The following ZCCHC14 variants were observed in gnomAD, a reference collection of about 807,000 sequenced individuals.
The protein encoded by ZCCHC14 is zinc finger CCHC-type containing 14.
A neutral mutation model predicts 85.0 loss-of-function variants in ZCCHC14; 16 were observed. The observed-to-expected ratio is 0.19, with a 90% confidence interval of 0.13 to 0.29. The LOEUF is 0.29. ZCCHC14 is among the 10% of genes least tolerant of loss of function. The pLI, the probability that ZCCHC14 is intolerant of heterozygous loss-of-function variation, is 1.00. For synonymous variants in ZCCHC14, 775 were observed against 630.7 expected (o/e 1.23, Z -3.43); for missense variants, 1,303 against 1,443.5 (o/e 0.90, Z 1.58).
At chr16:87,462,379 T>C (rs1597440340) in intron 1 of ZCCHC14, among the ~76,000 whole-genome samples, 1 of 152,168 alleles carries the variant, frequency 6.6e-6, no homozygotes, top group African/African-American at 2.4e-5. Context: ...ACAAGGAGAT[T>C]TTTAGTTCCA....
chr16:87,445,387 C>T (rs1160745767), intron 2 of ZCCHC14, among the ~76,000 whole-genome samples: 2 of 152,100 alleles, frequency 1.3e-5, no homozygotes, highest in East Asian at 1.9e-4. Flanking sequence ...TTTTTAAAGA[C>T]GCAGATCTAT....
chr16:87,472,134 AG>A (rs1180773427), intron 1 of ZCCHC14: 4 of 152,282 alleles, frequency 2.6e-5, no homozygotes, highest in Non-Finnish European at 2.9e-5. Flanking sequence ...CTGAAGTAGG[AG>A]GAGTAAACAT....
intron 2 of ZCCHC14, among the ~76,000 whole-genome samples, chr16:87,440,622 T>C (rs1910137053): frequency 6.6e-6 from 1 of 152,056 alleles, no homozygotes; most frequent in Non-Finnish European, 1.5e-5. Context: ...CTTCATTTTC[T>C]TTTTGACAGG....
At chr16:87,463,659 C>G (rs558391410) in intron 1 of ZCCHC14, among the ~76,000 whole-genome samples, 1 of 152,194 alleles carries the variant, frequency 6.6e-6, no homozygotes, top group South Asian at 2.1e-4. Flanking sequence ...CTCGTCTCTA[C>G]TAAAAATACA....
At chr16:87,471,500 C>G (rs937413309) in intron 1 of ZCCHC14, 3 of 152,270 alleles carry the variant, frequency 2.0e-5, no homozygotes, top group Non-Finnish European at 4.4e-5. Context: ...CTTAACTAGA[C>G]CAGCTCCCAG....
chr16:87,449,027 G>A (rs968504079), intron 2 of ZCCHC14, among the ~76,000 whole-genome samples: 11 of 152,130 alleles, frequency 7.2e-5, no homozygotes, highest in Admixed American at 2.0e-4. Context: ...TGTGCCCTTG[G>A]TCCCCAGTTC....
In ZCCHC14 at chr16:87,412,834, G is replaced by T. The variant is rs140130982; in HGVS notation, c.1887C>A (p.Pro629=). 8.7e-6 allele frequency: 14 copies of T among 1,610,052 alleles called. No individual in the cohort carries two copies. The African/African-American group carries it at 1.1e-4, about 12-fold the overall frequency. The change falls in exon 12 of 13, where the codon CCC becomes CCA. Residue 629 remains proline (P), a synonymous_variant. Coordinates refer to ENST00000671377, the MANE Select transcript of ZCCHC14 (RefSeq NM_015144.3). ...EASSNPSGHH[P]LPPQMLSAAS... is the part of the protein sequence containing the mutation. ...CTGCGCTCAGCATCTGCGGGGGCAGGGGGTGGTGGCCTGATGGATTGGAGC... is the reference window on the plus strand; with the variant it reads ...CTGCGCTCAGCATCTGCGGGGGCAGTGGGTGGTGGCCTGATGGATTGGAGC...
At chr16:87,416,581 C>T (rs992542106) in intron 8 of ZCCHC14, among the ~76,000 whole-genome samples, 9 of 151,828 alleles carry the variant, frequency 5.9e-5, no homozygotes, top group Admixed American at 1.3e-4. Context: ...ATAGGGAAAC[C>T]CTGATTCTAC....
At chr16:87,470,446 A>AG (rs11427516) in intron 1 of ZCCHC14, 51,077 of 151,986 alleles carry the variant, frequency 0.34, 12,522 homozygotes, top group African/African-American at 0.68. Context: ...ATAAAGCTGC[A>AG]GGGGGTGGCC....
intron 1 of ZCCHC14, among the ~76,000 whole-genome samples, chr16:87,479,098 C>T (rs1912151921): frequency 6.6e-6 from 1 of 152,024 alleles, no homozygotes. Context: ...CCTATATATA[C>T]ATGTTTTAAT....
chr16:87,470,482 G>A (rs1911728818), intron 1 of ZCCHC14: 1 of 152,068 alleles, frequency 6.6e-6, no homozygotes, highest in Non-Finnish European at 1.5e-5. Context: ...TGTAACCTGG[G>A]GCCACTGTCT....
In ZCCHC14 at chr16:87,462,547, T is replaced by C. The variant is rs71390898; in HGVS notation, c.571-2416A>G. Among the ~76,000 whole-genome samples the C allele has an allele frequency of 7.8e-4, 117 of 150,176 alleles. 1 individual carries two copies. The highest frequency in any genetic ancestry group is 7.4e-4 in the Non-Finnish European group (50 of 67,592). ...CAAGGTCGGGAGATCAAGACCATCCTGGCTAACACGGTGAAACCCCGTCTC... is the reference window on the plus strand; with the variant it reads ...CAAGGTCGGGAGATCAAGACCATCCCGGCTAACACGGTGAAACCCCGTCTC... On this transcript the variant is annotated intron_variant, in intron 1 of 12. Transcript: ENST00000671377.
intron 2 of ZCCHC14, among the ~76,000 whole-genome samples, chr16:87,434,371 C>A (rs903908382): frequency 6.6e-6 from 1 of 152,244 alleles, no homozygotes; most frequent in African/African-American, 2.4e-5. Context: ...AGCTTCCACA[C>A]TTCCCAGGCG....
intron 1 of ZCCHC14, among the ~76,000 whole-genome samples, chr16:87,477,394 C>T (rs988607520): frequency 6.6e-6 from 1 of 152,192 alleles, no homozygotes; most frequent in Non-Finnish European, 1.5e-5. Flanking sequence ...GGGCCGGCCG[C>T]GCACATGGGG....
chr16:87,477,102 C>CA (rs1912041857), intron 1 of ZCCHC14, among the ~76,000 whole-genome samples: 1 of 106,280 alleles, frequency 9.4e-6, no homozygotes, highest in South Asian at 3.2e-4. Flanking sequence ...TCTAGCCTGA[C>CA]AGAGAGAGAC....
At chr16:87,477,425 G>C (rs1260968025) in intron 1 of ZCCHC14, among the ~76,000 whole-genome samples, 1 of 152,206 alleles carries the variant, frequency 6.6e-6, no homozygotes, top group East Asian at 1.9e-4. Context: ...CATCAGCAGA[G>C]CTGGCAGAAG....
intron 1 of ZCCHC14, among the ~76,000 whole-genome samples, chr16:87,489,716 A>T (rs1384677560): frequency 6.6e-6 from 1 of 152,222 alleles, no homozygotes; most frequent in Non-Finnish European, 1.5e-5. Context: ...AGAGAGGAAT[A>T]GATTAGCCCC....
At chr16:87,430,629 C>G (rs376012460) in intron 3 of ZCCHC14, among the ~76,000 whole-genome samples, 1 of 151,638 alleles carries the variant, frequency 6.6e-6, no homozygotes, top group African/African-American at 2.4e-5. Flanking sequence ...TCAAGCGATT[C>G]CCCGGCCTCA....
rs530177243 is a variant in ZCCHC14, at chr16:87,412,075, G to A, written c.2646C>T (p.Ser882=). Residue 882 remains serine, a synonymous_variant, in exon 12 of 13, where the codon AGC becomes AGT. Transcript: ENST00000671377. ...CTGTGGAGCCGCCACCGCCACTGCTGCTATAGAAACTGCTTTCAGGGACGG... is the reference window on the plus strand; with the variant it reads ...CTGTGGAGCCGCCACCGCCACTGCTACTATAGAAACTGCTTTCAGGGACGG... ...LSSVPESSFY[S]SSGGGGSTGN... 2.0e-5 allele frequency: 33 copies of A among 1,612,142 alleles called. No individual in the cohort carries two copies. In the South Asian group the frequency reaches 3.6e-4, roughly 18 times the overall value.
Sources: allele counts gnomAD v4.1 joint callset (sites outside exome capture counted in the v4.1 genomes callset), GRCh38; gene constraint gnomAD v4.1.1; transcripts MANE v1.5; gene names NCBI Gene and HGNC (gene_info 2026-07-23, HGNC 2026-07-21).